PATJ: variants seen among roughly 807,000 people sequenced by gnomAD.
PATJ encodes the protein PATJ crumbs cell polarity complex component.
Under a neutral mutation model 224.9 loss-of-function variants are expected in PATJ, and 190 were observed. That is an observed-to-expected ratio of 0.84 (90% CI 0.75 to 0.95). The LOEUF (loss-of-function observed/expected upper bound fraction) is 0.95. PATJ is among the 40% of genes least tolerant of loss of function. PATJ has a pLI of 0.00. For missense variants in PATJ, 2,121 were observed against 2,270.3 expected (o/e 0.93, Z 1.34); for synonymous variants, 769 against 820.3 (o/e 0.94, Z 1.07).
chr1:62,149,355 T>C (rs1166750714), intron 42 of PATJ, among the ~76,000 whole-genome samples: 3 of 152,158 alleles, frequency 2.0e-5, no homozygotes, highest in African/African-American at 7.2e-5. Context: ...TGGTCACTAG[T>C]AGGTGCTCAA....
At chr1:61,839,346 G>A (rs1660715047) in intron 17 of PATJ, among the ~76,000 whole-genome samples, 1 of 151,798 alleles carries the variant, frequency 6.6e-6, no homozygotes, top group African/African-American at 2.4e-5. Context: ...AAGTTTAGCA[G>A]GTATTAAAAA....
intron 14 of PATJ, among the ~76,000 whole-genome samples, chr1:61,822,147 AGGGC>A (rs1657397402): frequency 6.6e-6 from 1 of 152,238 alleles, no homozygotes; most frequent in African/African-American, 2.4e-5. Context: ...GTACTGTTCC[AGGGC>A]TGAAGTTATG....
chr1:61,868,225 G>A (rs1330478727), intron 20 of PATJ, among the ~76,000 whole-genome samples: 1 of 152,092 alleles, frequency 6.6e-6, no homozygotes. Flanking sequence ...GTACATTTTT[G>A]TGTAAACATG....
At chr1:62,145,175 T>C (rs979736897) in intron 41 of PATJ, among the ~76,000 whole-genome samples, 1 of 152,236 alleles carries the variant, frequency 6.6e-6, no homozygotes, top group African/African-American at 2.4e-5. Flanking sequence ...GTCAGAGATA[T>C]TCATCCATTC....
At chr1:62,068,494 C>G (rs1656857477) in intron 31 of PATJ, among the ~76,000 whole-genome samples, 1 of 152,172 alleles carries the variant, frequency 6.6e-6, no homozygotes, top group African/African-American at 2.4e-5. Flanking sequence ...GCCCAAAGCT[C>G]CTAAGCCTCT....
intron 39 of PATJ, among the ~76,000 whole-genome samples, chr1:62,126,824 T>C (rs1665767154): frequency 6.6e-6 from 1 of 151,180 alleles, no homozygotes; most frequent in Non-Finnish European, 1.5e-5. Context: ...ACTAAGGAGC[T>C]GCATAGGGTG....
chr1:62,079,907 A>C (rs1449201458), intron 32 of PATJ, among the ~76,000 whole-genome samples: 1 of 152,054 alleles, frequency 6.6e-6, no homozygotes, highest in Non-Finnish European at 1.5e-5. Flanking sequence ...GCATGCCTGT[A>C]ATCCCAGCTA....
intron 22 of PATJ, among the ~76,000 whole-genome samples, chr1:61,893,832 G>A (rs2149120481): frequency 2.0e-5 from 3 of 150,662 alleles, no homozygotes; most frequent in Middle Eastern, 7.0e-3. Context: ...GCATAAAGGT[G>A]TCATGGTGAA....
At chr1:61,927,895 T>C (rs1675458461) in intron 27 of PATJ, 66 bp downstream of exon 27, 2 of 1,128,418 alleles carry the variant, frequency 1.8e-6, no homozygotes, top group Non-Finnish European at 2.6e-6. Flanking sequence ...ACGACTGTTG[T>C]AAATTATCAA....
chr1:61,899,206 C>G (rs569122079), intron 22 of PATJ, among the ~76,000 whole-genome samples: 1 of 152,108 alleles, frequency 6.6e-6, no homozygotes, highest in Admixed American at 6.6e-5. Context: ...ATCTATGATA[C>G]ATGTTGATTT....
At chr1:61,846,819 G>T (rs1022079697) in intron 17 of PATJ, among the ~76,000 whole-genome samples, 3 of 152,116 alleles carry the variant, frequency 2.0e-5, no homozygotes, top group African/African-American at 7.2e-5. Flanking sequence ...GGCTGGCCTC[G>T]AACTCCTTGT....
chr1:62,091,439 A>G lies in PATJ; in HGVS notation c.4377+6791A>G, dbSNP rs566129335. Reference sequence around the variant, plus strand: ...AAGATTGTCATGTGAATTAATTAAGATAATGAATATGAAGAACTTTACCCA... The same window carrying G: ...AAGATTGTCATGTGAATTAATTAAGGTAATGAATATGAAGAACTTTACCCA... On this transcript the variant is annotated intron_variant, in intron 33 of 43. Transcript: ENST00000642238. 3.3e-5 allele frequency among the ~76,000 whole-genome samples: 5 copies of G among 152,374 alleles called. No homozygotes were observed. The South Asian group carries it at 1.0e-3, about 32-fold the overall frequency.
At chr1:61,882,170 G>A (rs1668191873) in intron 21 of PATJ, among the ~76,000 whole-genome samples, 1 of 152,118 alleles carries the variant, frequency 6.6e-6, no homozygotes, top group Non-Finnish European at 1.5e-5. Context: ...ATATGATAGG[G>A]TTCATGAGGG....
At chr1:62,104,592 C>CAAAA (rs1328094912) in intron 33 of PATJ, among the ~76,000 whole-genome samples, 53 of 152,062 alleles carry the variant, frequency 3.5e-4, no homozygotes, top group African/African-American at 1.2e-3. Context: ...AACAAACAAA[C>CAAAA]AAAAAAAGAA....
At chr1:61,760,858 C>A (rs1177072854) in intron 1 of PATJ, among the ~76,000 whole-genome samples, 3 of 152,080 alleles carry the variant, frequency 2.0e-5, no homozygotes, top group Non-Finnish European at 4.4e-5. Context: ...GGTGATCCAC[C>A]CACCTCGATC....
chr1:61,815,150 T>C (rs1352219154), intron 14 of PATJ, among the ~76,000 whole-genome samples: 1 of 152,208 alleles, frequency 6.6e-6, no homozygotes, highest in Non-Finnish European at 1.5e-5. Context: ...AGGGAAAGCC[T>C]TTCTGAGCCC....
chr1:61,930,810 C>T (rs953356248), intron 27 of PATJ, among the ~76,000 whole-genome samples: 11 of 152,104 alleles, frequency 7.2e-5, no homozygotes, highest in African/African-American at 2.4e-4. Flanking sequence ...TGGGTTCAAG[C>T]GATTCTCCTG....
intron 23 of PATJ, 99 bp from the exon 24 acceptor site, chr1:61,901,183 A>G (rs1671101736): frequency 8.6e-6 from 5 of 578,474 alleles, no homozygotes; most frequent in Non-Finnish European, 1.4e-5. Context: ...AAAAATTTAT[A>G]TAAAATATGA....
intron 24 of PATJ, among the ~76,000 whole-genome samples, chr1:61,902,742 A>G (rs1427418708): frequency 6.6e-6 from 1 of 152,180 alleles, no homozygotes; most frequent in Non-Finnish European, 1.5e-5. Flanking sequence ...TAAAATAAGT[A>G]TATGTAGAAT....
Sources: allele counts gnomAD v4.1 joint callset (sites outside exome capture counted in the v4.1 genomes callset), GRCh38; gene constraint gnomAD v4.1.1; transcripts MANE v1.5; gene names NCBI Gene and HGNC (gene_info 2026-07-23, HGNC 2026-07-21).